COL24A1: variants seen among roughly 807,000 people sequenced by gnomAD.
The protein encoded by COL24A1 is collagen type XXIV alpha 1 chain.
In COL24A1, 224 loss-of-function variants were observed where a neutral mutation model predicts 253.9. That is an observed-to-expected ratio of 0.88 (90% CI 0.79 to 0.99). The LOEUF is 0.99. Ranked by LOEUF, COL24A1 falls within the 50% of genes least tolerant of loss-of-function variation. The pLI is 0.00. For missense variants in COL24A1, 2,131 were observed against 2,068.5 expected (o/e 1.03, Z -0.59); for synonymous variants, 685 against 673.7 (o/e 1.02, Z -0.26).
chr1:85,809,246 A>G (rs953750322), intron 47 of COL24A1, among the ~76,000 whole-genome samples: 4 of 152,184 alleles, frequency 2.6e-5, no homozygotes, highest in African/African-American at 9.6e-5. Context: ...CTAAACCTAC[A>G]TGTTAGTAGA....
chr1:85,955,905 A>G (rs1020261878), intron 24 of COL24A1, among the ~76,000 whole-genome samples: 1 of 152,220 alleles, frequency 6.6e-6, no homozygotes, highest in Non-Finnish European at 1.5e-5. Flanking sequence ...GGCAAATAAC[A>G]TTTGACAATA....
intron 13 of COL24A1, among the ~76,000 whole-genome samples, chr1:86,032,994 G>C (rs913140168): frequency 7.2e-5 from 11 of 152,032 alleles, no homozygotes; most frequent in African/African-American, 2.7e-4. Flanking sequence ...TCATATGCAA[G>C]AAAAATGGTA....
intron 7 of COL24A1, among the ~76,000 whole-genome samples, chr1:86,080,626 A>G (rs565033568): frequency 4.6e-5 from 7 of 152,208 alleles, no homozygotes; most frequent in African/African-American, 1.7e-4. Flanking sequence ...CCAATAATAA[A>G]TGAAGCCTAT....
intron 35 of COL24A1, among the ~76,000 whole-genome samples, chr1:85,869,764 C>T (rs548953210): frequency 4.9e-4 from 74 of 152,204 alleles, no homozygotes; most frequent in African/African-American, 1.7e-3. Context: ...TAAAGACCAT[C>T]GATGCTAGGA....
intron 10 of COL24A1, among the ~76,000 whole-genome samples, chr1:86,056,110 T>C (rs1027339211): frequency 3.9e-4 from 37 of 94,064 alleles, no homozygotes; most frequent in Admixed American, 3.1e-3. Flanking sequence ...AGAGTGAGAC[T>C]CTGTTTCAAA....
chr1:85,904,915 A>C (rs1325034257), intron 28 of COL24A1, among the ~76,000 whole-genome samples: 1 of 152,170 alleles, frequency 6.6e-6, no homozygotes, highest in East Asian at 1.9e-4. Flanking sequence ...GGTTGCAGGG[A>C]ATCAGTAAAT....
intron 5 of COL24A1, among the ~76,000 whole-genome samples, chr1:86,107,571 G>A (rs535846228): frequency 1.9e-4 from 29 of 151,582 alleles, no homozygotes; most frequent in African/African-American, 5.8e-4. Context: ...AGTCTGCTCC[G>A]TCGCCCAGGC....
At chr1:86,005,335 G>T (rs617652) in intron 19 of COL24A1, among the ~76,000 whole-genome samples, 27,467 of 150,366 alleles carry the variant, frequency 0.18, 3,126 homozygotes, top group African/African-American at 0.32. Context: ...ACATATATTA[G>T]GTAAAAAAGA....
At chr1:85,868,456 C>T in intron 37 of COL24A1, 63 bp downstream of exon 37, 6 of 1,122,334 alleles carry the variant, frequency 5.3e-6, no homozygotes, top group Non-Finnish European at 8.1e-6. Flanking sequence ...TAGGTTTGTG[C>T]ATGTGTACAC....
intron 19 of COL24A1, among the ~76,000 whole-genome samples, chr1:85,989,514 T>A (rs1007608280): frequency 1.3e-5 from 2 of 152,100 alleles, no homozygotes; most frequent in Admixed American, 6.6e-5. Context: ...TATTGCTTAT[T>A]CATGTTCCTA....
chr1:86,125,527 G>A lies in COL24A1; in HGVS notation c.809C>T (p.Pro270Leu), dbSNP rs759740427. 2.4e-5 allele frequency: 39 copies of A among 1,613,402 alleles called. No homozygotes were observed. The highest frequency in any genetic ancestry group is 1.1e-4 in the East Asian group (5 of 44,854). The change falls in exon 3 of 60, where the codon CCG becomes CTG. Residue 270 changes from proline to leucine, a missense_variant. Coordinates refer to ENST00000370571, the MANE Select transcript of COL24A1 (RefSeq NM_152890.7). ...IPTKIPEHSP[P>L]PKLFAEKVLS... is the part of the protein sequence containing the mutation. ...TACTTTTTCAGCAAATAGTTTGGGC[G>A]GGGGAGAGTGTTCCGGTATCTTTGT...
At chr1:85,739,234 T>C (rs899326747) in intron 57 of COL24A1, among the ~76,000 whole-genome samples, 8 of 152,310 alleles carry the variant, frequency 5.3e-5, no homozygotes, top group Admixed American at 5.2e-4. Flanking sequence ...ACTATCCTAC[T>C]ACTATATGAG....
intron 7 of COL24A1, 125 bp downstream of exon 7, chr1:86,089,049 A>G: frequency 1.6e-6 from 1 of 639,208 alleles, no homozygotes; most frequent in East Asian, 3.2e-5. Flanking sequence ...ATGAGATCAT[A>G]GTCACTGAAG....
intron 14 of COL24A1, among the ~76,000 whole-genome samples, chr1:86,028,147 T>C (rs1698224269): frequency 6.6e-6 from 1 of 152,202 alleles, no homozygotes; most frequent in South Asian, 2.1e-4. Flanking sequence ...GGTTCATAGA[T>C]GGAAGGACTT....
intron 43 of COL24A1, among the ~76,000 whole-genome samples, chr1:85,827,139 C>T (rs374420419): frequency 5.3e-4 from 80 of 152,088 alleles, no homozygotes; most frequent in African/African-American, 1.4e-3. Flanking sequence ...GCATGAAGGG[C>T]TGTTGAATTT....
intron 37 of COL24A1, among the ~76,000 whole-genome samples, chr1:85,866,380 G>T (rs1012477192): frequency 6.6e-6 from 1 of 152,122 alleles, no homozygotes; most frequent in African/African-American, 2.4e-5. Flanking sequence ...TTTCCCAGTT[G>T]TAAAATAGGG....
chr1:86,004,147 C>T (rs909891513), intron 19 of COL24A1, among the ~76,000 whole-genome samples: 2 of 152,166 alleles, frequency 1.3e-5, no homozygotes, highest in Admixed American at 1.3e-4. Flanking sequence ...CATTATGTCA[C>T]CATTCCACGA....
intron 18 of COL24A1, 91 bp from the exon 19 acceptor site, chr1:86,017,295 C>T (rs888567840): frequency 1.2e-5 from 13 of 1,090,698 alleles, no homozygotes; most frequent in Non-Finnish European, 1.5e-5. Context: ...AAATAGCAGT[C>T]AGTCATTATA....
At chr1:85,971,188 A>G in intron 21 of COL24A1, 152 bp downstream of exon 21, 1 of 672,642 alleles carries the variant, frequency 1.5e-6, no homozygotes, top group Admixed American at 3.0e-5. Context: ...CATCCTGGGC[A>G]AGAGACCAAG....
Sources: gnomAD v4.1 joint callset for allele counts (sites outside exome capture counted in the v4.1 genomes callset) on GRCh38, gnomAD v4.1.1 for gene constraint, MANE v1.5 for transcripts, NCBI Gene and HGNC (gene_info 2026-07-23, HGNC 2026-07-21) for gene names.